MICAL2: variants seen among roughly 807,000 people sequenced by gnomAD.
The protein encoded by MICAL2 is microtubule associated monooxygenase, calponin and LIM domain containing 2.
In MICAL2, 77 loss-of-function variants were observed where a neutral mutation model predicts 127.3. The ratio of observed to expected loss-of-function variants is 0.60; its 90% CI spans 0.50 to 0.73. The LOEUF is 0.73. Among genes scored for constraint, MICAL2 ranks in the 30% least tolerant of loss-of-function variants. The pLI is 0.00. For synonymous variants in MICAL2, 570 were observed against 551.1 expected (o/e 1.03, Z -0.48); for missense variants, 1,351 against 1,434.4 (o/e 0.94, Z 0.94).
intron 9 of MICAL2, 119 bp downstream of exon 9, chr11:12,220,577 A>G: frequency 7.2e-7 from 1 of 1,397,260 alleles, no homozygotes; most frequent in East Asian, 2.5e-5. Flanking sequence ...GCCAGTTGGC[A>G]GGACTCTGCC....
At chr11:12,144,336 G>C (rs1852664557) in intron 2 of MICAL2, among the ~76,000 whole-genome samples, 1 of 152,200 alleles carries the variant, frequency 6.6e-6, no homozygotes, top group Admixed American at 6.5e-5. Context: ...ATGGGAGGCT[G>C]TCTCCCTCCC....
At position 12,204,382 on chromosome 11, in the gene MICAL2, A is replaced by G. The variant is rs750998359; in HGVS notation, c.397A>G (p.Thr133Ala). 5.6e-6 allele frequency: 9 copies of G among 1,612,440 alleles called. No individual in the cohort carries two copies. The highest frequency in any genetic ancestry group is 7.6e-6 in the Non-Finnish European group (9 of 1,179,024). The change falls in exon 4 of 28, where the codon ACC (threonine) becomes GCC (alanine). Residue 133 changes from threonine to alanine, a missense_variant. Around this residue, in one of 2 missense-constraint regions of MICAL2, gnomAD observed 599 missense variants for 714.9 expected, o/e 0.84. Coordinates refer to ENST00000683283, the MANE Select transcript of MICAL2 (RefSeq NM_001282663.2). Reference sequence around the variant, plus strand: ...CAACGTGCTACACCTCTGGCCTTTCACCATCCATGACCTTCGTGGCCTGGG... The same window carrying G: ...CAACGTGCTACACCTCTGGCCTTTCGCCATCCATGACCTTCGTGGCCTGGG... ...RNNVLHLWPF[T>A]IHDLRGLGAK...
At chr11:12,114,870 G>A (rs905368017) in intron 1 of MICAL2, among the ~76,000 whole-genome samples, 1 of 152,180 alleles carries the variant, frequency 6.6e-6, no homozygotes, top group Non-Finnish European at 1.5e-5. Context: ...AGACAGCTGC[G>A]TTTGTGCCTT....
chr11:12,152,933 T>C (rs1295359311), intron 2 of MICAL2, among the ~76,000 whole-genome samples: 2 of 151,908 alleles, frequency 1.3e-5, no homozygotes, highest in Non-Finnish European at 2.9e-5. Flanking sequence ...AAGGTGGTGA[T>C]GGTGGTAGTG....
chr11:12,244,980 A>G (rs1860526197), intron 21 of MICAL2, among the ~76,000 whole-genome samples: 1 of 152,212 alleles, frequency 6.6e-6, no homozygotes, highest in Non-Finnish European at 1.5e-5. Flanking sequence ...GTGGGGAGCT[A>G]ACTTTGGTTA....
chr11:12,355,545 C>A (rs1939116400), intron 34 of MICAL2, among the ~76,000 whole-genome samples: 1 of 152,218 alleles, frequency 6.6e-6, no homozygotes, highest in South Asian at 2.1e-4. Context: ...AGACCTAGAT[C>A]TAAAAGAACA....
intron 4 of MICAL2, among the ~76,000 whole-genome samples, chr11:12,207,123 C>G (rs572942701): frequency 1.3e-5 from 2 of 152,082 alleles, no homozygotes; most frequent in Non-Finnish European, 2.9e-5. Flanking sequence ...CACAGCCCTT[C>G]CTCTCTCTGT....
intron 1 of MICAL2, among the ~76,000 whole-genome samples, chr11:12,130,893 G>A (rs893466006): frequency 6.6e-6 from 1 of 152,236 alleles, no homozygotes; most frequent in African/African-American, 2.4e-5. Flanking sequence ...TGTGGGAAGA[G>A]AGAGGTTTCT....
intron 3 of MICAL2, among the ~76,000 whole-genome samples, chr11:12,193,214 C>G (rs1477556867): frequency 1.3e-5 from 2 of 152,214 alleles, no homozygotes; most frequent in Non-Finnish European, 2.9e-5. Context: ...AAGGGGAACA[C>G]TCTAAGGCTC....
At chr11:12,180,353 T>A (rs372889115) in intron 3 of MICAL2, among the ~76,000 whole-genome samples, 1 of 112,176 alleles carries the variant, frequency 8.9e-6, no homozygotes, top group African/African-American at 3.5e-5. Flanking sequence ...GTATATATTT[T>A]TTTTTTGGCA....
chr11:12,171,813 A>C (rs1478159091), intron 3 of MICAL2, among the ~76,000 whole-genome samples: 2 of 152,230 alleles, frequency 1.3e-5, no homozygotes, highest in Non-Finnish European at 2.9e-5. Context: ...GCCCATATAT[A>C]ATGTTAAACT....
chr11:12,320,694 T>C (rs9783316), intron 30 of MICAL2, among the ~76,000 whole-genome samples: 3,525 of 152,178 alleles, frequency 0.023, 123 homozygotes, highest in African/African-American at 0.08. Flanking sequence ...TCAACTTTTC[T>C]ATATCTGGCA....
chr11:12,153,852 A>G (rs76766599), intron 2 of MICAL2, among the ~76,000 whole-genome samples: 3,928 of 152,294 alleles, frequency 0.026, 70 homozygotes, highest in Non-Finnish European at 0.041. Flanking sequence ...TGGGCACCCA[A>G]TGTGGGATCA....
chr11:12,215,241 G>A (rs536555953), intron 7 of MICAL2, among the ~76,000 whole-genome samples: 12 of 152,250 alleles, frequency 7.9e-5, no homozygotes, highest in East Asian at 1.9e-4. Context: ...TTCGGCCATC[G>A]TTTCACAACA....
chr11:12,288,278 C>G (rs7106920), downstream of MICAL2, among the ~76,000 whole-genome samples: 50,872 of 152,200 alleles, frequency 0.33, 8,917 homozygotes, highest in East Asian at 0.54. Context: ...CTGCTCTGGC[C>G]CTCCCCAAGT....
chr11:12,210,430 C>T (rs1367152011), intron 6 of MICAL2, among the ~76,000 whole-genome samples: 1 of 152,222 alleles, frequency 6.6e-6, no homozygotes, highest in Non-Finnish European at 1.5e-5. Context: ...GAGGATACGT[C>T]ACTCTGAGGA....
In MICAL2 at chr11:12,228,049, A is replaced by G. The variant is rs570685769; in HGVS notation, c.1995+918A>G. 3.9e-5 allele frequency among the ~76,000 whole-genome samples: 6 copies of G among 152,258 alleles called. No homozygotes were observed. The South Asian group carries it at 1.2e-3, about 32-fold the overall frequency. ...ATTTTACAGATAAAAATGGAGGCCT[A>G]TGGTTGTGGTGGCTCACGCCTGTAA... On this transcript the variant is annotated intron_variant, in intron 15 of 27. Coordinates refer to ENST00000683283, the MANE Select transcript of MICAL2 (RefSeq NM_001282663.2).
At position 12,263,573 on chromosome 11, in the gene MICAL2, T is replaced by A. The variant is rs1251117870; in HGVS notation, c.*31T>A. Reference sequence around the variant, plus strand: ...CTTCTCTTACAGAGTCTCCCTCCCTTTATAGAATGTCAACCAAAGAGTGCC... The same window carrying A: ...CTTCTCTTACAGAGTCTCCCTCCCTATATAGAATGTCAACCAAAGAGTGCC... On this transcript the variant is annotated 3_prime_UTR_variant, in exon 28 of 28. Transcript: ENST00000683283. 1.3e-5 allele frequency: 2 copies of A among 152,608 alleles called. No individual in the cohort carries two copies. Among genetic ancestry groups the A allele is most frequent in the East Asian group, 3.9e-4 (2 of 5,174 alleles). 9.5% of individuals were successfully genotyped at this position (152,608 alleles called of 1,614,324 possible). A position where few individuals can be genotyped will look rare whatever the true frequency, so the allele number is the denominator to read the frequency against.
intron 15 of MICAL2, among the ~76,000 whole-genome samples, chr11:12,230,026 G>C (rs963265078): frequency 1.3e-5 from 2 of 152,160 alleles, no homozygotes; most frequent in African/African-American, 4.8e-5. Flanking sequence ...CCTGTGGGTG[G>C]GTTAGGTTGT....
Sources: gnomAD v4.1 joint callset for allele counts (sites outside exome capture counted in the v4.1 genomes callset) on GRCh38, gnomAD v4.1.1 for gene constraint, gnomAD v4.1.1 regional missense constraint, MANE v1.5 for transcripts, NCBI Gene and HGNC (gene_info 2026-07-23, HGNC 2026-07-21) for gene names.